Variants in TAMM41 observed in about 807,000 individuals in gnomAD.
TAMM41 encodes the protein TAM41 mitochondrial translocator assembly and maintenance homolog.
A neutral mutation model predicts 44.1 loss-of-function variants in TAMM41; 36 were observed. The observed-to-expected ratio is 0.82, with a 90% CI of 0.63 to 1.08. The LOEUF (loss-of-function observed/expected upper bound fraction) is 1.08. Among genes scored for constraint, TAMM41 ranks in the 50% least tolerant of loss-of-function variants. TAMM41 has a pLI of 0.00. For synonymous variants in TAMM41, 164 were observed against 153.1 expected, an observed-to-expected ratio of 1.07 and a Z score of -0.53; for missense variants, 417 against 404.3, an observed-to-expected ratio of 1.03 and a Z score of -0.27.
At chr3:11,747,208 G>A in the TAMM41 span, among the ~76,000 whole-genome samples, 6 of 151,974 alleles carry the variant, frequency 3.9e-5, no homozygotes, top group African/African-American at 7.2e-5. Flanking sequence ...GACTACAGGC[G>A]CACGCCACCA....
chr3:11,770,723 G>A, the TAMM41 span, among the ~76,000 whole-genome samples: 13 of 152,292 alleles, frequency 8.5e-5, no homozygotes, highest in African/African-American at 3.1e-4. Flanking sequence ...AACAGAGCAC[G>A]CTTAGAGCAG....
intron 3 of TAMM41, among the ~76,000 whole-genome samples, chr3:11,832,799 T>C (rs2079033928): frequency 6.6e-6 from 1 of 152,194 alleles, no homozygotes; most frequent in African/African-American, 2.4e-5. Context: ...CTGTTTTTGA[T>C]GGCTTTTACA....
chr3:11,754,703 GAT>G, the TAMM41 span, among the ~76,000 whole-genome samples: 1 of 125,994 alleles, frequency 7.9e-6, no homozygotes, highest in Admixed American at 8.1e-5. Flanking sequence ...ACATTTCTCA[GAT>G]CTCTTTTTTT....
At chr3:11,754,708 C>CTTTTTT in the TAMM41 span, among the ~76,000 whole-genome samples, 5 of 103,560 alleles carry the variant, frequency 4.8e-5, no homozygotes, top group Admixed American at 1.1e-4. Flanking sequence ...TCTCAGATCT[C>CTTTTTT]TTTTTTTTTT....
chr3:11,802,607 G>A (rs1420086351), intron 7 of TAMM41, among the ~76,000 whole-genome samples: 2 of 152,144 alleles, frequency 1.3e-5, no homozygotes, highest in African/African-American at 4.8e-5. Flanking sequence ...AGTCACAGCT[G>A]AACTCTACCA....
At chr3:11,753,760 G>T in the TAMM41 span, among the ~76,000 whole-genome samples, 1 of 151,768 alleles carries the variant, frequency 6.6e-6, no homozygotes, top group African/African-American at 2.4e-5. Context: ...AAATAAACTG[G>T]CTGTCTTGGG....
the TAMM41 span, among the ~76,000 whole-genome samples, chr3:11,732,991 T>TTTG: frequency 2.9e-5 from 3 of 104,134 alleles, no homozygotes; most frequent in African/African-American, 9.5e-5. Flanking sequence ...TGATTTGAGT[T>TTTG]TTTTTTTTGT....
the TAMM41 span, among the ~76,000 whole-genome samples, chr3:11,773,841 C>A: frequency 6.6e-6 from 1 of 152,124 alleles, no homozygotes; most frequent in East Asian, 1.9e-4. Context: ...GTAATCCCAG[C>A]ACTTTGGGAA....
rs57845965 is a variant in TAMM41, at chr3:11,807,910, C to A, written c.875-15G>T. The stretch of plus-strand genomic sequence containing the variant: ...TGCTGAAAGCCCTGCGAGAAAAAAA[C>A]CAAAAAGGAGACCAAAAAAACCCAA... On this transcript the variant is annotated splice_polypyrimidine_tract_variant and intron_variant, in intron 6 of 7. Coordinates refer to ENST00000455809, the MANE Select transcript of TAMM41 (RefSeq NM_001284401.2). 4,752 of 1,499,106 alleles carry A rather than the reference C, an allele frequency of 3.2e-3. 103 individuals are homozygous for A. The African/African-American group carries it at 0.053, about 17-fold the overall frequency. The allele number at this position is 1,499,106 out of a possible 1,614,324, so 92.9% of individuals were successfully genotyped here.
At chr3:11,738,082 T>G in the TAMM41 span, among the ~76,000 whole-genome samples, 1 of 152,222 alleles carries the variant, frequency 6.6e-6, no homozygotes, top group Non-Finnish European at 1.5e-5. Context: ...AGCTTGAAAT[T>G]AGATGAAAAG....
chr3:11,790,710 G>A, intron 7 of TAMM41, 129 bp from the exon 8 acceptor site: 1 of 736,954 alleles, frequency 1.4e-6, no homozygotes, highest in Non-Finnish European at 2.3e-6. Context: ...GGCTCTAGGA[G>A]ACCAGGGAGC....
the TAMM41 span, among the ~76,000 whole-genome samples, chr3:11,725,410 T>A: frequency 2.9e-5 from 4 of 139,208 alleles, no homozygotes; most frequent in African/African-American, 5.7e-5. Context: ...TTCCTCTTCT[T>A]CTTCTTCTTC....
intron 4 of TAMM41, among the ~76,000 whole-genome samples, chr3:11,826,997 A>C (rs2078777425): frequency 6.6e-6 from 1 of 152,052 alleles, no homozygotes; most frequent in Non-Finnish European, 1.5e-5. Flanking sequence ...GTTCTTTCAC[A>C]TCCTTCTTGC....
At chr3:11,785,044 T>C in the TAMM41 span, among the ~76,000 whole-genome samples, 77 of 152,202 alleles carry the variant, frequency 5.1e-4, no homozygotes, top group African/African-American at 1.7e-3. Context: ...TGCTGGTGTA[T>C]GGAAATTTAC....
At chr3:11,802,740 A>C (rs2124939234) in intron 7 of TAMM41, among the ~76,000 whole-genome samples, 2 of 152,308 alleles carry the variant, frequency 1.3e-5, no homozygotes, top group Middle Eastern at 6.8e-3. Context: ...AGGACACAAC[A>C]CCACCAAAAA....
chr3:11,785,242 A>C, the TAMM41 span, among the ~76,000 whole-genome samples: 1 of 152,114 alleles, frequency 6.6e-6, no homozygotes, highest in Non-Finnish European at 1.5e-5. Context: ...TCAGATCAGA[A>C]GATAGGAGGA....
chr3:11,760,542 TTTTTGTTTTG>T, the TAMM41 span, among the ~76,000 whole-genome samples: 79 of 150,876 alleles, frequency 5.2e-4, no homozygotes, highest in African/African-American at 1.3e-3. Context: ...TAAGTACAAT[TTTTTGTTTTG>T]TTTTGTTTTG....
intron 2 of TAMM41, among the ~76,000 whole-genome samples, chr3:11,840,470 G>A (rs1224917144): frequency 2.0e-5 from 3 of 151,972 alleles, no homozygotes; most frequent in African/African-American, 7.3e-5. Context: ...CCTGACCTCA[G>A]GTGATCCACT....
the TAMM41 span, among the ~76,000 whole-genome samples, chr3:11,723,289 A>C: frequency 1.2e-4 from 18 of 152,072 alleles, no homozygotes; most frequent in African/African-American, 4.1e-4. Context: ...CTATTAAAAT[A>C]ACTACCTAGG....
Sources: gnomAD v4.1 joint callset for allele counts (sites outside exome capture counted in the v4.1 genomes callset) on GRCh38, gnomAD v4.1.1 for gene constraint, MANE v1.5 for transcripts, NCBI Gene and HGNC (gene_info 2026-07-23, HGNC 2026-07-21) for gene names.